Variants in CYRIA observed in about 807,000 individuals in gnomAD.
CYRIA encodes the protein CYFIP related Rac1 interactor A, also known as CYFIP-related Rac1 interactor A.
A neutral mutation model predicts 43.9 loss-of-function variants in CYRIA; 15 were observed. That is an observed-to-expected ratio of 0.34 (90% CI 0.23 to 0.53). The LOEUF is 0.53. Ranked by LOEUF, CYRIA falls within the 20% of genes least tolerant of loss-of-function variation. The pLI is 0.94. For synonymous variants in CYRIA, 117 were observed against 136.0 expected (o/e 0.86, Z 0.97); for missense variants, 236 against 394.2 (o/e 0.60, Z 3.40).
At position 16,589,517 on chromosome 2, in the gene CYRIA, C is replaced by T. The variant is rs143784698; in HGVS notation, c.-10-1388G>A. Among the ~76,000 whole-genome samples, 52 of 152,122 alleles carry T rather than the reference C, an allele frequency of 3.4e-4. 3 individuals carry two copies. Among genetic ancestry groups the T allele is most frequent in the African/African-American group, 1.2e-3 (50 of 41,526 alleles). On this transcript the variant is annotated intron_variant, in intron 2 of 11. Coordinates refer to ENST00000381323, the MANE Select transcript of CYRIA (RefSeq NM_030797.4). Reference sequence around the variant, plus strand: ...TTGTTAGATGGCCGGTGTCTAATTCCAGCTGTTTTCTACTACCTCTGTTAT... The same window carrying T: ...TTGTTAGATGGCCGGTGTCTAATTCTAGCTGTTTTCTACTACCTCTGTTAT...
chr2:16,587,372 G>T (rs1269457327), intron 3 of CYRIA, among the ~76,000 whole-genome samples: 1 of 151,994 alleles, frequency 6.6e-6, no homozygotes, highest in Non-Finnish European at 1.5e-5. Context: ...CTTTGTATGT[G>T]CTCAATAAAT....
intron 2 of CYRIA, among the ~76,000 whole-genome samples, chr2:16,615,267 A>C (rs1246307303): frequency 1.3e-5 from 2 of 152,200 alleles, no homozygotes; most frequent in African/African-American, 4.8e-5. Context: ...ACTTGACTAA[A>C]GATCTGAAGT....
At chr2:16,645,708 C>T (rs964430406) in intron 1 of CYRIA, among the ~76,000 whole-genome samples, 4 of 152,184 alleles carry the variant, frequency 2.6e-5, no homozygotes, top group African/African-American at 9.7e-5. Flanking sequence ...TCATTGACAG[C>T]TAGGTATCAG....
intron 1 of CYRIA, among the ~76,000 whole-genome samples, chr2:16,632,944 T>C (rs561784062): frequency 1.3e-5 from 2 of 152,276 alleles, no homozygotes; most frequent in Admixed American, 6.5e-5. Context: ...AGCACAGGGC[T>C]GCAGGAGGGG....
chr2:16,603,786 T>G (rs978967866), intron 2 of CYRIA, among the ~76,000 whole-genome samples: 1 of 152,154 alleles, frequency 6.6e-6, no homozygotes, highest in African/African-American at 2.4e-5. Flanking sequence ...CACTGAAAAA[T>G]AAATCCTTAG....
chr2:16,568,245 A>C (rs938466764), intron 3 of CYRIA, among the ~76,000 whole-genome samples: 6 of 151,680 alleles, frequency 4.0e-5, no homozygotes, highest in East Asian at 1.9e-4. Context: ...AAAAAAAAAA[A>C]AAAACCCAAA....
Position 16,593,967 on chromosome 2 carries a change from A to G in CYRIA, c.-10-5838T>C, listed in dbSNP as rs1332479253. ...TGTTCAATTCCCACCTATGAGTGAG[A>G]ATATGCGGTGTTTGGTTTTTTGTTC... On this transcript the variant is annotated intron_variant, in intron 2 of 11. Transcript: ENST00000381323. Among the ~76,000 whole-genome samples, 3 of 110,856 alleles carry G rather than the reference A, an allele frequency of 2.7e-5. No homozygotes were observed. The East Asian group carries it at 7.4e-4, about 27-fold the overall frequency. The allele number at this position is 110,856 out of a possible 152,430, so 72.7% of individuals were successfully genotyped here. A position where few individuals can be genotyped will look rare whatever the true frequency, so the allele number is the denominator to read the frequency against.
chr2:16,563,905 T>C (rs1666836038), intron 5 of CYRIA, 84 bp downstream of exon 5: 3 of 908,356 alleles, frequency 3.3e-6, no homozygotes, highest in South Asian at 1.6e-5. Flanking sequence ...CATTTTCCAA[T>C]ATGCCACGCT....
At chr2:16,560,655 C>A (rs1666691050) in intron 9 of CYRIA, 1 of 324,270 alleles carries the variant, frequency 3.1e-6, no homozygotes, top group East Asian at 6.5e-5. Flanking sequence ...ATCTTCTCTA[C>A]AATATATTTA....
chr2:16,632,828 G>A (rs1481105025), intron 1 of CYRIA, among the ~76,000 whole-genome samples: 1 of 152,136 alleles, frequency 6.6e-6, no homozygotes, highest in East Asian at 1.9e-4. Flanking sequence ...TAGCACAGCT[G>A]CTCTTGTTCC....
At chr2:16,645,307 G>C (rs1669787610) in intron 1 of CYRIA, among the ~76,000 whole-genome samples, 2 of 150,862 alleles carry the variant, frequency 1.3e-5, no homozygotes, top group Non-Finnish European at 1.5e-5. Flanking sequence ...CTAAAACAAA[G>C]GTATGGCATT....
At chr2:16,575,768 A>G (rs993583711) in intron 3 of CYRIA, among the ~76,000 whole-genome samples, 5 of 152,068 alleles carry the variant, frequency 3.3e-5, no homozygotes, top group African/African-American at 1.2e-4. Context: ...ACGCAGGAGA[A>G]TGGCGTGAAC....
At chr2:16,563,841 AAG>A in intron 5 of CYRIA, 146 bp downstream of exon 5, 1 of 595,376 alleles carries the variant, frequency 1.7e-6, no homozygotes, top group South Asian at 2.1e-5. Context: ...TGAAAATGAC[AAG>A]AGTTGTTGCT....
intron 3 of CYRIA, among the ~76,000 whole-genome samples, chr2:16,577,338 T>A (rs1572473566): frequency 1.3e-5 from 2 of 152,294 alleles, no homozygotes; most frequent in East Asian, 3.9e-4. Context: ...TAGATATATA[T>A]CTGTAACACA....
Position 16,650,884 on chromosome 2 carries a change from T to G in CYRIA, c.-167+14896A>C, listed in dbSNP as rs1669955606. On this transcript the variant is annotated intron_variant, in intron 1 of 11. Coordinates refer to ENST00000381323, the MANE Select transcript of CYRIA (RefSeq NM_030797.4). This position sits in a 1 kb window ranked among gnomAD's most constrained non-coding sequence, Gnocchi z 4.1. ...GACTAATTCAATTTTTTGCTCCTGT[T>G]GTTTTAAATTCAAACCTTATTGTTC... Among the ~76,000 whole-genome samples the G allele has an allele frequency of 6.6e-6, 1 of 152,254 alleles. No homozygotes were observed. Among genetic ancestry groups the G allele is most frequent in the Non-Finnish European group, 1.5e-5 (1 of 68,044 alleles).
At chr2:16,658,972 G>A (rs1204696173) in intron 1 of CYRIA, among the ~76,000 whole-genome samples, 2 of 152,196 alleles carry the variant, frequency 1.3e-5, no homozygotes, top group Non-Finnish European at 2.9e-5. Context: ...AGCTCAACAA[G>A]GCCATATACT....
At chr2:16,565,847 T>C in intron 3 of CYRIA, 80 bp from the exon 4 acceptor site, 3 of 1,317,284 alleles carry the variant, frequency 2.3e-6, no homozygotes, top group South Asian at 1.8e-5. Flanking sequence ...CAGTTTTACC[T>C]GCTTGACAAT....
At chr2:16,611,974 C>T (rs758039781) in intron 2 of CYRIA, among the ~76,000 whole-genome samples, 1 of 152,180 alleles carries the variant, frequency 6.6e-6, no homozygotes, top group Non-Finnish European at 1.5e-5. Context: ...GATGCCTGTC[C>T]CAGTCCTGCA....
At position 16,555,061 on chromosome 2, in the gene CYRIA, A is replaced by T; in HGVS notation, c.908+8T>A. 6.2e-7 allele frequency: 1 copy of T among 1,612,326 alleles called. No homozygotes were observed. Among genetic ancestry groups the T allele is most frequent in the Non-Finnish European group, 8.5e-7 (1 of 1,178,850 alleles). Reference sequence around the variant, plus strand: ...TTCCCTGTGAGCTGACACAGGGTTGAAGCTCACCTGAGGGCATTTAGCAGC... The same window carrying T: ...TTCCCTGTGAGCTGACACAGGGTTGTAGCTCACCTGAGGGCATTTAGCAGC... On this transcript the variant is annotated splice_region_variant and intron_variant, in intron 11 of 11. Coordinates refer to ENST00000381323, the MANE Select transcript of CYRIA (RefSeq NM_030797.4).
Sources: allele counts gnomAD v4.1 joint callset (sites outside exome capture counted in the v4.1 genomes callset), GRCh38; gene constraint gnomAD v4.1.1; non-coding constraint Gnocchi (gnomAD v3.1); transcripts MANE v1.5; gene names NCBI Gene and HGNC (gene_info 2026-07-23, HGNC 2026-07-21).